SCAF4: variants seen among roughly 807,000 people sequenced by gnomAD.
SCAF4 encodes SR-related CTD associated factor 4, also known as SR-related and CTD-associated factor 4.
In SCAF4, 25 loss-of-function variants were observed where a neutral mutation model predicts 129.8. That is an observed-to-expected ratio of 0.19 (90% confidence interval 0.14 to 0.27). The LOEUF (loss-of-function observed/expected upper bound fraction) is 0.27, where lower values mean the gene tolerates loss of function less well. Ranked by LOEUF, SCAF4 falls within the 10% of genes least tolerant of loss-of-function variation. The pLI is 1.00. For synonymous variants in SCAF4, 551 were observed against 497.7 expected (o/e 1.11, Z -1.43); for missense variants, 1,246 against 1,457.1 (o/e 0.86, Z 2.36).
intron 19 of SCAF4, among the ~76,000 whole-genome samples, chr21:31,678,638 T>C (rs996211558): frequency 6.6e-6 from 1 of 152,282 alleles, no homozygotes; most frequent in Non-Finnish European, 1.5e-5. Flanking sequence ...TTCTTCCCTT[T>C]GCTCTCCCTT....
rs1307121226 is a variant in SCAF4 at position 31,671,748 on chromosome 21, T to C, written c.3095A>G (p.Glu1032Gly). The change falls in exon 20 of 20, where the codon GAG (glutamate) becomes GGG (glycine). Residue 1032 changes from glutamate to glycine, a missense_variant. By Grantham distance (98) the Glu-to-Gly change is moderately conservative (BLOSUM62 -2). Around this residue, in one of 6 missense-constraint regions of SCAF4, gnomAD observed 339 missense variants for 325.0 expected, o/e 1.04. Transcript: ENST00000286835. ...CCGGTCAGGGCTCCTCCTTCCCCACTCTCTCCTGTCACGGTTACTATTATC... is the reference window on the plus strand; with the variant it reads ...CCGGTCAGGGCTCCTCCTTCCCCACCCTCTCCTGTCACGGTTACTATTATC... ...DRDNSNRDRR[E>G]WGRRSPDRDR... 1.2e-6 allele frequency: 2 copies of C among 1,614,148 alleles called. No individual in the cohort carries two copies. The highest frequency in any genetic ancestry group is 1.7e-6 in the Non-Finnish European group (2 of 1,180,008).
intron 1 of SCAF4, among the ~76,000 whole-genome samples, chr21:31,712,145 C>T (rs183850148): frequency 3.4e-4 from 51 of 151,914 alleles, no homozygotes; most frequent in Middle Eastern, 3.5e-3. Flanking sequence ...ATTGACTCAT[C>T]CAAATATTTC....
chr21:31,725,763 G>A (rs963753528), intron 1 of SCAF4, among the ~76,000 whole-genome samples: 1 of 152,078 alleles, frequency 6.6e-6, no homozygotes, highest in African/African-American at 2.4e-5. Context: ...GTGTGTTACT[G>A]CAACAGACTG....
At chr21:31,711,719 C>T (rs574033881) in intron 1 of SCAF4, among the ~76,000 whole-genome samples, 1 of 152,132 alleles carries the variant, frequency 6.6e-6, no homozygotes, top group South Asian at 2.1e-4. Flanking sequence ...AAGGACTGTA[C>T]AGCTATGTTA....
At chr21:31,710,524 G>C (rs537087447) in intron 1 of SCAF4, among the ~76,000 whole-genome samples, 3 of 152,134 alleles carry the variant, frequency 2.0e-5, no homozygotes, top group Non-Finnish European at 4.4e-5. Flanking sequence ...ACTCCAGCCT[G>C]GGATACAGAC....
chr21:31,675,503 C>T (rs1378920480), intron 19 of SCAF4, among the ~76,000 whole-genome samples: 1 of 152,090 alleles, frequency 6.6e-6, no homozygotes, highest in African/African-American at 2.4e-5. Flanking sequence ...AGGGTGTAAG[C>T]GATGTAGGAA....
At chr21:31,717,838 T>TACAC (rs1410082924) in intron 1 of SCAF4, among the ~76,000 whole-genome samples, 7 of 99,002 alleles carry the variant, frequency 7.1e-5, no homozygotes, top group South Asian at 7.6e-4. Context: ...TATATATATA[T>TACAC]ATATACACAC....
intron 1 of SCAF4, among the ~76,000 whole-genome samples, chr21:31,716,869 G>C (rs892874103): frequency 6.6e-6 from 1 of 152,082 alleles, no homozygotes; most frequent in South Asian, 2.1e-4. Flanking sequence ...GTACCACTAT[G>C]TCACTTTACC....
intron 19 of SCAF4, among the ~76,000 whole-genome samples, chr21:31,682,007 T>G (rs2050005952): frequency 6.6e-6 from 1 of 152,196 alleles, no homozygotes; most frequent in African/African-American, 2.4e-5. Flanking sequence ...CTAGTAGGTG[T>G]GCTATTTATC....
chr21:31,700,871 G>T, intron 7 of SCAF4, 124 bp downstream of exon 7: 1 of 1,092,620 alleles, frequency 9.2e-7, no homozygotes, highest in Non-Finnish European at 1.4e-6. Context: ...TGTTGAGGGG[G>T]AAAATCTCTC....
chr21:31,686,756 C>T (rs1455527938), intron 16 of SCAF4, among the ~76,000 whole-genome samples: 73 of 152,148 alleles, frequency 4.8e-4, no homozygotes, highest in Non-Finnish European at 2.9e-5. Flanking sequence ...GTCATAGGAG[C>T]ATGAACCCTG....
intron 1 of SCAF4, among the ~76,000 whole-genome samples, chr21:31,718,445 G>A (rs2833489): frequency 0.12 from 17,766 of 152,098 alleles, 1,720 homozygotes; most frequent in East Asian, 0.51. Flanking sequence ...TACTCCTAAG[G>A]TAGAGAAAAT....
intron 1 of SCAF4, among the ~76,000 whole-genome samples, chr21:31,718,676 T>TTG (rs2050997935): frequency 6.6e-6 from 1 of 152,226 alleles, no homozygotes; most frequent in Non-Finnish European, 1.5e-5. Flanking sequence ...TGTTTGAATG[T>TTG]AAACATTACA....
At chr21:31,673,213 T>C (rs1361749785) in intron 19 of SCAF4, among the ~76,000 whole-genome samples, 1 of 152,160 alleles carries the variant, frequency 6.6e-6, no homozygotes, top group African/African-American at 2.4e-5. Flanking sequence ...AACCTGTCAT[T>C]TTCTGCTTGG....
intron 13 of SCAF4, 81 bp from the exon 14 acceptor site, chr21:31,692,011 C>A: frequency 1.4e-6 from 1 of 700,498 alleles, no homozygotes; most frequent in Admixed American, 2.7e-5. Context: ...GCAGTTCCAA[C>A]AATCCCATCC....
Position 31,671,500 on chromosome 21 carries a change from C to T in SCAF4, c.3343G>A (p.Glu1115Lys), listed in dbSNP as rs1331644756. ...TASELEKGVS[E>K]AAVLKPSEEL... The stretch of plus-strand genomic sequence containing the variant: ...TCAGAAGGCTTTAGGACTGCAGCCT[C>T]AGACACCCCCTTCTCAAGTTCTGAA... The change falls in exon 20 of 20, where the codon GAG becomes AAG. Residue 1115 changes from glutamate to lysine, a missense_variant. Glu to Lys is a moderately conservative substitution (Grantham distance 56, BLOSUM62 1). Transcript: ENST00000286835. The T allele has an allele frequency of 6.2e-7, 1 of 1,614,198 alleles. No homozygotes were observed. Among genetic ancestry groups the T allele is most frequent in the Admixed American group, 1.7e-5 (1 of 60,028 alleles).
At chr21:31,721,908 C>G (rs922640720) in intron 1 of SCAF4, among the ~76,000 whole-genome samples, 25 of 151,918 alleles carry the variant, frequency 1.6e-4, no homozygotes, top group Admixed American at 3.3e-4. Context: ...TTAGTACAGA[C>G]AGGGTTTCTC....
At chr21:31,708,369 G>C (rs1261474583) in intron 1 of SCAF4, among the ~76,000 whole-genome samples, 4 of 149,918 alleles carry the variant, frequency 2.7e-5, no homozygotes, top group African/African-American at 9.8e-5. Context: ...GACAGAGCGA[G>C]ACTCTGTCTT....
At chr21:31,703,629 A>C (rs73353415) in intron 4 of SCAF4, 136 bp downstream of exon 4, 8,713 of 488,696 alleles carry the variant, frequency 0.018, 582 homozygotes, top group African/African-American at 0.15. Flanking sequence ...GAAGAAAAAA[A>C]CTGTTTTGTT....
Sources: gnomAD v4.1 joint callset for allele counts (sites outside exome capture counted in the v4.1 genomes callset) on GRCh38, gnomAD v4.1.1 for gene constraint, gnomAD v4.1.1 regional missense constraint, MANE v1.5 for transcripts, NCBI Gene and HGNC (gene_info 2026-07-23, HGNC 2026-07-21) for gene names.